ZC3H11A: variants seen among roughly 807,000 people sequenced by gnomAD.
ZC3H11A encodes the protein zinc finger CCCH domain-containing protein 11A.
In ZC3H11A, 22 loss-of-function variants were observed where a neutral mutation model predicts 90.8. The observed-to-expected ratio is 0.24, with a 90% CI of 0.17 to 0.35. ZC3H11A has a LOEUF of 0.35. Among genes scored for constraint, ZC3H11A ranks in the 10% least tolerant of loss-of-function variants. ZC3H11A has a pLI of 1.00. For missense variants in ZC3H11A, 701 were observed against 964.9 expected, an observed-to-expected ratio of 0.73 and a Z score of 3.62; for synonymous variants, 294 against 339.8, an observed-to-expected ratio of 0.87 and a Z score of 1.48.
At chr1:203,798,137 A>G (rs1405528224) in intron 1 of ZC3H11A, 2 of 1,535,994 alleles carry the variant, frequency 1.3e-6, no homozygotes, top group East Asian at 2.4e-5. Flanking sequence ...ATGTGTCTTT[A>G]TCTCCCTCTT....
At chr1:203,798,718 C>T in intron 1 of ZC3H11A, 3 of 1,536,010 alleles carry the variant, frequency 2.0e-6, no homozygotes, top group Non-Finnish European at 2.6e-6. Context: ...GAGAGAGAAA[C>T]AACATGTTGT....
In ZC3H11A at chr1:203,809,278, C is replaced by T. The variant is rs190695358; in HGVS notation, c.-146+6262C>T. Among the ~76,000 whole-genome samples, 6 of 139,848 alleles carry T rather than the reference C, an allele frequency of 4.3e-5. No individual in the cohort carries two copies. In the East Asian group the frequency reaches 8.8e-4, roughly 21 times the overall value. The allele number at this position is 139,848 out of a possible 152,430, so 91.7% of individuals were successfully genotyped here. On this transcript the variant is annotated intron_variant, in intron 2 of 17. Coordinates refer to ENST00000367210, the MANE Select transcript of ZC3H11A (RefSeq NM_001376342.1). ...GCAACCTCCGCCTCCAGGGTTCAAG[C>T]GATTCTTCTGCCTCAGCCTCCCGAG...
At chr1:203,805,096 A>G (rs1274358812) in intron 2 of ZC3H11A, among the ~76,000 whole-genome samples, 1 of 151,892 alleles carries the variant, frequency 6.6e-6, no homozygotes, top group Non-Finnish European at 1.5e-5. Flanking sequence ...AAGATGTAGT[A>G]TTAAGGAAAC....
chr1:203,843,470 C>T (rs530751434), intron 12 of ZC3H11A, among the ~76,000 whole-genome samples: 2 of 152,224 alleles, frequency 1.3e-5, no homozygotes, highest in East Asian at 3.9e-4. Context: ...TTTTGGCTAA[C>T]CTTCTGTGAG....
chr1:203,808,738 A>G (rs768287064), intron 2 of ZC3H11A, among the ~76,000 whole-genome samples: 5 of 152,082 alleles, frequency 3.3e-5, no homozygotes, highest in South Asian at 2.1e-4. Context: ...ACTGAAATCT[A>G]TTTTTGAAGG....
chr1:203,818,252 C>T (rs1485490872), intron 3 of ZC3H11A, among the ~76,000 whole-genome samples: 3 of 149,756 alleles, frequency 2.0e-5, no homozygotes, highest in Admixed American at 6.6e-5. Context: ...TTACACAAGG[C>T]GAGATGTCAG....
Position 203,812,476 on chromosome 1 carries a change from A to G in ZC3H11A, c.-145-4450A>G, listed in dbSNP as rs532011070. On this transcript the variant is annotated intron_variant, in intron 2 of 17. Transcript: ENST00000367210. ...GATTTTGTTCCTTTTTATTGGATGC[A>G]TACTATTCCATGTTTTGTGTTTTTT... is the stretch of plus-strand genomic sequence containing the variant. Among the ~76,000 whole-genome samples, 9 of 152,010 alleles carry G rather than the reference A, an allele frequency of 5.9e-5. No individual in the cohort carries two copies. The South Asian group carries it at 1.9e-3, about 32-fold the overall frequency.
chr1:203,806,086 G>C (rs527975620), intron 2 of ZC3H11A: 1 of 504,466 alleles, frequency 2.0e-6, no homozygotes, highest in South Asian at 1.6e-5. Context: ...GGCTTTCTGC[G>C]TAATCATATT....
At chr1:203,821,462 T>C (rs140406875) in intron 4 of ZC3H11A, among the ~76,000 whole-genome samples, 4 of 152,316 alleles carry the variant, frequency 2.6e-5, no homozygotes, top group Non-Finnish European at 5.9e-5. Context: ...ATTTGGCAAG[T>C]AGGAGCCTTT....
At chr1:203,833,959 T>C in intron 10 of ZC3H11A, 106 bp downstream of exon 10, 2 of 1,426,730 alleles carry the variant, frequency 1.4e-6, no homozygotes, top group Non-Finnish European at 1.8e-6. Context: ...GGTGCCCCTG[T>C]ATTGGCTGAA....
chr1:203,828,451 T>C (rs368252802), intron 5 of ZC3H11A, 29 bp downstream of exon 5: 168 of 1,578,772 alleles, frequency 1.1e-4, no homozygotes, highest in Non-Finnish European at 1.4e-4. Flanking sequence ...TTTAAAAGAA[T>C]ATCAAATGAA....
chr1:203,812,350 C>T (rs926131400), intron 2 of ZC3H11A, among the ~76,000 whole-genome samples: 5 of 152,080 alleles, frequency 3.3e-5, no homozygotes, highest in African/African-American at 9.7e-5. Flanking sequence ...CATTTAGCTC[C>T]CACTTATAAG....
chr1:203,815,707 CTT>C (rs553559710), intron 2 of ZC3H11A, among the ~76,000 whole-genome samples: 7 of 152,248 alleles, frequency 4.6e-5, no homozygotes, highest in Admixed American at 3.9e-4. Context: ...ATCAAGGTGA[CTT>C]TTCATCATGG....
chr1:203,826,834 T>A (rs1680682381), intron 4 of ZC3H11A, among the ~76,000 whole-genome samples: 1 of 152,178 alleles, frequency 6.6e-6, no homozygotes, highest in South Asian at 2.1e-4. Context: ...TATTAAAATG[T>A]ATCTAGAAAA....
rs572167694 is a variant in ZC3H11A, at chr1:203,807,872, G to C, written c.-146+4856G>C. ...TCCTTCTGCCTCAGCGTCCCAAGTA[G>C]CTGGGAGTAAAGACATGTGCCACCA... On this transcript the variant is annotated intron_variant, in intron 2 of 17. Coordinates refer to ENST00000367210, the MANE Select transcript of ZC3H11A (RefSeq NM_001376342.1). Among the ~76,000 whole-genome samples the C allele has an allele frequency of 1.6e-4, 25 of 152,088 alleles. No individual in the cohort carries two copies. In the South Asian group the frequency reaches 3.1e-3, roughly 19 times the overall value.
chr1:203,802,549 T>G lies in ZC3H11A; in HGVS notation c.-613T>G, dbSNP rs1211814856. ...ACAGATAATAAAGATGGGGGAAGGT[T>G]TCTGTTTTTTTCTTAATAGGTGAAG... On this transcript the variant is annotated 5_prime_UTR_variant, in exon 2 of 18. Coordinates refer to ENST00000367210, the MANE Select transcript of ZC3H11A (RefSeq NM_001376342.1). The G allele has an allele frequency of 6.6e-6, 1 of 152,366 alleles. No individual in the cohort carries two copies. The highest frequency in any genetic ancestry group is 1.5e-5 in the Non-Finnish European group (1 of 67,976). The allele number at this position is 152,366 out of a possible 1,614,324, so 9.4% of individuals were successfully genotyped here.
intron 12 of ZC3H11A, among the ~76,000 whole-genome samples, chr1:203,842,382 C>A (rs971087661): frequency 6.6e-6 from 1 of 152,178 alleles, no homozygotes; most frequent in East Asian, 1.9e-4. Flanking sequence ...AGATCACTCG[C>A]GGTCAGGAGC....
intron 2 of ZC3H11A, among the ~76,000 whole-genome samples, chr1:203,808,723 C>A (rs976694116): frequency 6.6e-6 from 1 of 152,134 alleles, no homozygotes; most frequent in Non-Finnish European, 1.5e-5. Flanking sequence ...TCTGTTCTTT[C>A]CTCTACTGAA....
chr1:203,799,145 A>G (rs905891965), intron 1 of ZC3H11A: 40 of 1,493,196 alleles, frequency 2.7e-5, no homozygotes, highest in Non-Finnish European at 3.2e-5. Flanking sequence ...ATATTTTACA[A>G]GAATTAAATG....
Sources: allele counts gnomAD v4.1 joint callset (sites outside exome capture counted in the v4.1 genomes callset), GRCh38; gene constraint gnomAD v4.1.1; transcripts MANE v1.5; gene names NCBI Gene and HGNC (gene_info 2026-07-23, HGNC 2026-07-21).